Variants in LHFPL2 observed in about 807,000 individuals in gnomAD.
LHFPL2 encodes the protein LHFPL tetraspan subfamily member 2.
In LHFPL2, 7 loss-of-function variants were observed where a neutral mutation model predicts 17.5. That is an observed-to-expected ratio of 0.40 (90% CI 0.23 to 0.75). LHFPL2 has a LOEUF of 0.75. LHFPL2 is among the 30% of genes least tolerant of loss of function. The pLI, the probability that LHFPL2 is intolerant of heterozygous loss-of-function variation, is 0.37. For synonymous variants in LHFPL2, 134 were observed against 116.2 expected (o/e 1.15, Z -0.99); for missense variants, 241 against 294.8 (o/e 0.82, Z 1.34).
At chr5:78,584,170 A>G (rs1273874947) in intron 2 of LHFPL2, among the ~76,000 whole-genome samples, 2 of 149,644 alleles carry the variant, frequency 1.3e-5, no homozygotes, top group Admixed American at 1.3e-4. Context: ...TGGTTATTCT[A>G]GTTATACATT....
intron 2 of LHFPL2, among the ~76,000 whole-genome samples, chr5:78,606,869 G>A (rs1484618927): frequency 2.0e-5 from 3 of 151,960 alleles, no homozygotes; most frequent in South Asian, 4.2e-4. Flanking sequence ...TAGAGACGGG[G>A]TTTCACCATG....
chr5:78,590,450 A>C (rs917378210), intron 2 of LHFPL2, among the ~76,000 whole-genome samples: 1 of 152,174 alleles, frequency 6.6e-6, no homozygotes, highest in Admixed American at 6.5e-5. Context: ...TATTTTTTTA[A>C]CAACTAATAA....
In LHFPL2 at chr5:78,648,369, C is replaced by G. The variant is rs932958689; in HGVS notation, c.-350+130G>C. ...CGCCGAAGCGAAGTTCCCGCGCCAG[C>G]CGCGGCTCAAGCAGCCAGGGCTCGG... On this transcript the variant is annotated intron_variant, in intron 1 of 4. Transcript: ENST00000380345. This position sits in a 1 kb window ranked among gnomAD's most constrained non-coding sequence, Gnocchi z 5.4. 6.6e-6 allele frequency: 1 copy of G among 152,012 alleles called. No individual in the cohort carries two copies. Among genetic ancestry groups the G allele is most frequent in the Non-Finnish European group, 1.5e-5 (1 of 68,020 alleles). The allele number at this position is 152,012 out of a possible 1,614,324, so 9.4% of individuals were successfully genotyped here. A position where few individuals can be genotyped will look rare whatever the true frequency, so the allele number is the denominator to read the frequency against.
intron 2 of LHFPL2, among the ~76,000 whole-genome samples, chr5:78,614,914 C>T (rs545230054): frequency 3.5e-4 from 54 of 152,324 alleles, no homozygotes; most frequent in African/African-American, 1.3e-3. Context: ...GATCACCTAG[C>T]TGGTAATTGT....
intron 3 of LHFPL2, among the ~76,000 whole-genome samples, chr5:78,538,929 T>C (rs973600792): frequency 6.6e-6 from 1 of 152,182 alleles, no homozygotes; most frequent in Admixed American, 6.5e-5. Flanking sequence ...GCATGAGCCA[T>C]AGTCTGCAAC....
intron 2 of LHFPL2, among the ~76,000 whole-genome samples, chr5:78,565,655 G>T (rs570583766): frequency 1.3e-5 from 2 of 152,292 alleles, no homozygotes; most frequent in African/African-American, 4.8e-5. Context: ...ACTGTTATAG[G>T]AATATATTAC....
chr5:78,494,258 G>T, intron 4 of LHFPL2: 1 of 601,906 alleles, frequency 1.7e-6, no homozygotes, highest in Non-Finnish European at 2.1e-6. Context: ...AGCAAGCCCA[G>T]CTGGGAGGAA....
At chr5:78,499,012 C>G (rs1754693192) in intron 4 of LHFPL2, among the ~76,000 whole-genome samples, 1 of 152,204 alleles carries the variant, frequency 6.6e-6, no homozygotes, top group African/African-American at 2.4e-5. Flanking sequence ...CCCATCTACA[C>G]TCAGTGCCTC....
chr5:78,520,715 C>T (rs1755427128), intron 3 of LHFPL2, among the ~76,000 whole-genome samples: 1 of 152,238 alleles, frequency 6.6e-6, no homozygotes, highest in Admixed American at 6.5e-5. Flanking sequence ...CTCTTCTGCT[C>T]ATATGTTTTT....
At chr5:78,626,299 T>G (rs112962879) in intron 2 of LHFPL2, 3,432 of 152,304 alleles carry the variant, frequency 0.023, 124 homozygotes, top group African/African-American at 0.079. Context: ...ACACTGCACT[T>G]CAACATCCTG....
chr5:78,489,715 T>TTTCTC (rs1337176712), intron 4 of LHFPL2, among the ~76,000 whole-genome samples: 2 of 152,350 alleles, frequency 1.3e-5, no homozygotes, highest in East Asian at 3.9e-4. Context: ...GCACTGAGCA[T>TTTCTC]TTCTCTTTTG....
rs184387481 is a variant in LHFPL2 at position 78,603,758 on chromosome 5, A to G, written c.-245+28506T>C. 5.8e-4 allele frequency among the ~76,000 whole-genome samples: 89 copies of G among 152,372 alleles called. 2 individuals carry two copies. In the East Asian group the frequency reaches 0.015, roughly 26 times the overall value. Reference sequence around the variant, plus strand: ...TAAAAAAATTTTTAAAAAAACACACAGATGTTTGCAGCATTATTTATGCCA... The same window carrying G: ...TAAAAAAATTTTTAAAAAAACACACGGATGTTTGCAGCATTATTTATGCCA... On this transcript the variant is annotated intron_variant, in intron 2 of 4. Coordinates refer to ENST00000380345, the MANE Select transcript of LHFPL2 (RefSeq NM_005779.3).
intron 2 of LHFPL2, among the ~76,000 whole-genome samples, chr5:78,614,792 A>T (rs1163243244): frequency 6.6e-6 from 1 of 152,240 alleles, no homozygotes; most frequent in African/African-American, 2.4e-5. Context: ...CACTTCAAAC[A>T]TGGCAGGTTC....
chr5:78,611,936 G>A (rs1744437038), intron 2 of LHFPL2, among the ~76,000 whole-genome samples: 1 of 152,160 alleles, frequency 6.6e-6, no homozygotes, highest in Non-Finnish European at 1.5e-5. Context: ...ACACATGGTA[G>A]GAGCTTCATG....
At chr5:78,600,501 G>A (rs1321947322) in intron 2 of LHFPL2, among the ~76,000 whole-genome samples, 2 of 152,124 alleles carry the variant, frequency 1.3e-5, no homozygotes. Flanking sequence ...GGCTGAGGCA[G>A]GTGGATAACC....
chr5:78,636,824 C>T (rs1397731254), intron 1 of LHFPL2, among the ~76,000 whole-genome samples: 1 of 152,128 alleles, frequency 6.6e-6, no homozygotes, highest in Non-Finnish European at 1.5e-5. Context: ...ACACCATTAA[C>T]AAAGGCCTCT....
intron 3 of LHFPL2, among the ~76,000 whole-genome samples, chr5:78,561,308 C>T (rs1258601990): frequency 1.3e-5 from 2 of 152,224 alleles, no homozygotes; most frequent in Non-Finnish European, 2.9e-5. Context: ...ACCTCAGTCG[C>T]ACTAGTCATA....
At chr5:78,541,888 T>C (rs1756124562) in intron 3 of LHFPL2, among the ~76,000 whole-genome samples, 1 of 152,168 alleles carries the variant, frequency 6.6e-6, no homozygotes, top group African/African-American at 2.4e-5. Flanking sequence ...CTGAAGATGG[T>C]AGAAGCCAGA....
At chr5:78,561,184 G>C (rs899135532) in intron 3 of LHFPL2, among the ~76,000 whole-genome samples, 2 of 152,144 alleles carry the variant, frequency 1.3e-5, no homozygotes, top group Admixed American at 1.3e-4. Context: ...AAAATTTACA[G>C]TAGAAAAAGT....
Sources: allele counts gnomAD v4.1 joint callset (sites outside exome capture counted in the v4.1 genomes callset), GRCh38; gene constraint gnomAD v4.1.1; non-coding constraint Gnocchi (gnomAD v3.1); transcripts MANE v1.5; gene names NCBI Gene and HGNC (gene_info 2026-07-23, HGNC 2026-07-21).